Variants in ANAPC15 observed in about 807,000 individuals in gnomAD.
ANAPC15 encodes the protein anaphase promoting complex subunit 15, also known as anaphase-promoting complex subunit 15.
Under a neutral mutation model 19.8 loss-of-function variants are expected in ANAPC15, and 13 were observed. The observed-to-expected ratio is 0.66, with a 90% CI of 0.43 to 1.04. The LOEUF is 1.04. Among genes scored for constraint, ANAPC15 ranks in the 50% least tolerant of loss-of-function variants. The pLI, the probability that ANAPC15 is intolerant of heterozygous loss-of-function variation, is 0.00. For synonymous variants in ANAPC15, 45 were observed against 50.7 expected, an observed-to-expected ratio of 0.89 and a Z score of 0.47; for missense variants, 88 against 150.3, an observed-to-expected ratio of 0.59 and a Z score of 2.17.
downstream of ANAPC15, chr11:72,108,116 C>T (rs1945893100): frequency 6.7e-7 from 1 of 1,502,734 alleles, no homozygotes; most frequent in Non-Finnish European, 8.9e-7. Flanking sequence ...TTGATGAGCA[C>T]ATGGTCAGCC....
chr11:72,107,615 T>C (rs1338505779), downstream of ANAPC15: 4 of 672,000 alleles, frequency 6.0e-6, no homozygotes, highest in Non-Finnish European at 1.1e-5. Context: ...CCTGGAAAGG[T>C]AGGATAGGAT....
downstream of ANAPC15, chr11:72,109,422 C>A: frequency 2.2e-6 from 1 of 452,672 alleles, no homozygotes; most frequent in Non-Finnish European, 4.4e-6. Context: ...GAGAAAATGG[C>A]ACAGAACCCT....
upstream of ANAPC15, chr11:72,112,700 T>C (rs1421024838): frequency 2.2e-6 from 1 of 456,602 alleles, no homozygotes; most frequent in Non-Finnish European, 4.4e-6. Flanking sequence ...TCACCCAGCC[T>C]GAGCGGAAGA....
rs113912971 is a variant in ANAPC15 at position 72,109,802 on chromosome 11, T to C, written c.*79A>G. 3,325 of 1,568,676 alleles carry C rather than the reference T, an allele frequency of 2.1e-3. 53 individuals carry two copies. The African/African-American group carries it at 0.04, about 19-fold the overall frequency. On this transcript the variant is annotated 3_prime_UTR_variant, in exon 6 of 6. Transcript: ENST00000227618. ...GCACTGGGGCCATCAGCTGGTTCTG[T>C]GGGCAGGGGTTGGGGGTTGGGATGC...
Position 72,110,195 on chromosome 11 carries a change from C to T in ANAPC15, c.211G>A (p.Glu71Lys). 1 of 1,614,136 alleles carries T rather than the reference C, an allele frequency of 6.2e-7. No individual in the cohort carries two copies. The highest frequency in any genetic ancestry group is 8.5e-7 in the Non-Finnish European group (1 of 1,180,026). Residue 71 changes from glutamate to lysine, a missense_variant, in exon 5 of 6, where the codon GAA becomes AAA. Transcript: ENST00000227618. ...HYDDEEEEDD[E>K]DDEDSEEDSE... ...TCCTCTTCACTATCCTCATCATCTT[C>T]ATCATCCTCTTCTTCCTCGTCATCA...
downstream of ANAPC15, chr11:72,108,037 G>A (rs758115449): frequency 1.0e-5 from 16 of 1,551,230 alleles, no homozygotes; most frequent in Middle Eastern, 1.7e-4. Flanking sequence ...CCTGGGGGTC[G>A]CCTTCTTACT....
chr11:72,110,856 A>G, intron 3 of ANAPC15: 1 of 581,856 alleles, frequency 1.7e-6, no homozygotes, highest in Non-Finnish European at 3.0e-6. Context: ...CAGCCTAGAA[A>G]GCATCATCTG....
At chr11:72,109,497 C>A, downstream of ANAPC15, 1 of 386,714 alleles carries the variant, frequency 2.6e-6, no homozygotes, top group Admixed American at 3.5e-5. Context: ...TTAGGTGTGG[C>A]TGATGTCCCT....
At chr11:72,106,473 G>T, downstream of ANAPC15, 1 of 371,590 alleles carries the variant, frequency 2.7e-6, no homozygotes, top group Admixed American at 4.2e-5. Context: ...CACAAATGCT[G>T]GCCTCAAAGG....
Position 72,109,594 on chromosome 11 carries a change from T to A in ANAPC15, c.*287A>T. On this transcript the variant is annotated 3_prime_UTR_variant, in exon 6 of 6. Transcript: ENST00000227618. ...ATAGGGAATAGACATGGGTGGAAAA[T>A]CACTCCTTTGTCTTTATTAAAGAAA... 1.8e-6 allele frequency: 1 copy of A among 546,120 alleles called. No homozygotes were observed. Among genetic ancestry groups the A allele is most frequent in the Non-Finnish European group, 3.3e-6 (1 of 302,864 alleles). 33.8% of individuals were successfully genotyped at this position (546,120 alleles called of 1,614,324 possible). A position where few individuals can be genotyped will look rare whatever the true frequency, so the allele number is the denominator to read the frequency against.
chr11:72,111,303 AGTGAAT>A lies in ANAPC15; in HGVS notation c.-10-23_-10-18del. On this transcript the variant is annotated intron_variant, in intron 2 of 5. Transcript: ENST00000227618. ...GCTCCTAGACTGAGGGAAAGGGTCA[AGTGAAT>A]GTGTTTTGCTTTGTTTTTGTTTTTA... The A allele has an allele frequency of 6.4e-7, 1 of 1,561,736 alleles. No individual in the cohort carries two copies. The highest frequency in any genetic ancestry group is 8.8e-7 in the Non-Finnish European group (1 of 1,133,660).
At chr11:72,110,246 T>C (rs1418142273) in intron 4 of ANAPC15, 21 bp from the exon 5 acceptor site, 1 of 1,612,228 alleles carries the variant, frequency 6.2e-7, no homozygotes, top group Middle Eastern at 1.6e-4. Context: ...GGACAGAGCC[T>C]GTAAGCCCTA....
At chr11:72,108,578 C>G, downstream of ANAPC15, 1 of 1,438,406 alleles carries the variant, frequency 7.0e-7, no homozygotes, top group Non-Finnish European at 9.1e-7. Flanking sequence ...CCCCCACCCT[C>G]ACCTCCAGCT....
chr11:72,109,194 A>G, downstream of ANAPC15: 2 of 501,982 alleles, frequency 4.0e-6, no homozygotes, highest in South Asian at 4.1e-5. Flanking sequence ...CAGCTCTGTC[A>G]CTGATTTGCT....
chr11:72,110,085 T>C lies in ANAPC15; in HGVS notation c.318+3A>G, dbSNP rs201099496. 219 of 1,613,964 alleles carry C rather than the reference T, an allele frequency of 1.4e-4. 1 individual carries two copies. Among genetic ancestry groups the C allele is most frequent in the Non-Finnish European group, 1.8e-4 (211 of 1,180,022 alleles). On this transcript the variant is annotated splice_donor_region_variant and intron_variant, in intron 5 of 5. Coordinates refer to ENST00000227618, the MANE Select transcript of ANAPC15 (RefSeq NM_014042.3). ...GAGGCCCTCCCCCATACCCCTTGCC[T>C]ACCTCATTGACCTCTCCATCATCCG...
downstream of ANAPC15, chr11:72,107,950 A>G (rs773397180): frequency 1.5e-5 from 23 of 1,551,626 alleles, no homozygotes; most frequent in South Asian, 2.4e-5. Flanking sequence ...CTGGTGGAGG[A>G]GAAGGCCCCT....
chr11:72,106,421 AG>A (rs1479646286), downstream of ANAPC15: 1 of 528,194 alleles, frequency 1.9e-6, no homozygotes, highest in African/African-American at 1.9e-5. Flanking sequence ...GGAATGTGCT[AG>A]GTGCCAGGGA....
chr11:72,109,230 T>C, downstream of ANAPC15: 3 of 463,698 alleles, frequency 6.5e-6, no homozygotes, highest in Non-Finnish European at 1.2e-5. Context: ...AATCCCCACC[T>C]TGCTCTGAGA....
At chr11:72,108,944 C>G (rs1342601420), downstream of ANAPC15, 1 of 1,491,964 alleles carries the variant, frequency 6.7e-7, no homozygotes, top group South Asian at 1.3e-5. Flanking sequence ...CCCAGGGGTA[C>G]TTACTGATGC....
Sources: gnomAD v4.1 joint callset for allele counts on GRCh38, gnomAD v4.1.1 for gene constraint, MANE v1.5 for transcripts, NCBI Gene and HGNC (gene_info 2026-07-23, HGNC 2026-07-21) for gene names.